The following CYFIP2 variants were observed in gnomAD, a reference collection of about 807,000 sequenced individuals.
CYFIP2 encodes the protein cytoplasmic FMR1 interacting protein 2, also known as cytoplasmic FMR1-interacting protein 2.
In CYFIP2, 29 loss-of-function variants were observed where a neutral mutation model predicts 158.7. The ratio of observed to expected loss-of-function variants is 0.18; its 90% CI spans 0.14 to 0.25. CYFIP2 has a LOEUF of 0.25. Ranked by LOEUF, CYFIP2 falls within the 10% of genes least tolerant of loss-of-function variation. The pLI is 1.00. For synonymous variants in CYFIP2, 585 were observed against 617.6 expected (o/e 0.95, Z 0.78); for missense variants, 852 against 1,639.5 (o/e 0.52, Z 8.29).
chr5:157,343,424 C>T lies in CYFIP2; in HGVS notation c.2673+2267C>T, dbSNP rs754767267. The T allele has an allele frequency of 3.7e-6, 6 of 1,614,172 alleles. No individual in the cohort carries two copies. In the Admixed American group the frequency reaches 6.7e-5, roughly 18 times the overall value. On this transcript the variant is annotated intron_variant, in intron 23 of 30. Transcript: ENST00000620254. ...GTAGCGAAGATAGCCAGAGAAGATG[C>T]TGTTCCAGTTGGGCCTGTACATAAT... is the stretch of plus-strand genomic sequence containing the variant.
At chr5:157,295,223 G>C (rs1235511114) in intron 4 of CYFIP2, among the ~76,000 whole-genome samples, 2 of 152,076 alleles carry the variant, frequency 1.3e-5, no homozygotes. Context: ...TACACTTTGT[G>C]ACATATTTGT....
intron 8 of CYFIP2, 167 bp downstream of exon 8, chr5:157,304,533 C>T (rs1307577690): frequency 2.9e-6 from 2 of 686,444 alleles, no homozygotes; most frequent in African/African-American, 1.8e-5. Flanking sequence ...ATATAATATA[C>T]CGTAGTCACC....
chr5:157,361,379 A>G lies in CYFIP2; in HGVS notation c.2909-89A>G. 1 of 1,561,682 alleles carries G rather than the reference A, an allele frequency of 6.4e-7. No homozygotes were observed. Among genetic ancestry groups the G allele is most frequent in the Admixed American group, 1.7e-5 (1 of 57,870 alleles). On this transcript the variant is annotated intron_variant, in intron 25 of 30. Coordinates refer to ENST00000620254, the MANE Select transcript of CYFIP2 (RefSeq NM_001037333.3). This position sits in a 1 kb window ranked among gnomAD's most constrained non-coding sequence, Gnocchi z 4.4. ...TTTGGCTTTTTGCTATCCCAGAGTCAGGTCTGGGGCTGCCACTCAGTCATT... is the reference window on the plus strand; with the variant it reads ...TTTGGCTTTTTGCTATCCCAGAGTCGGGTCTGGGGCTGCCACTCAGTCATT...
chr5:157,312,452 AT>A (rs1187287875), intron 11 of CYFIP2, among the ~76,000 whole-genome samples: 1 of 152,130 alleles, frequency 6.6e-6, no homozygotes, highest in Non-Finnish European at 1.5e-5. Flanking sequence ...GTATTTGGAT[AT>A]ATATATATCC....
chr5:157,299,592 C>A (rs1352092106), intron 5 of CYFIP2, among the ~76,000 whole-genome samples: 1 of 152,154 alleles, frequency 6.6e-6, no homozygotes, highest in East Asian at 1.9e-4. Flanking sequence ...TGTTTTCTGT[C>A]TTCTCTCACT....
At position 157,343,250 on chromosome 5, in the gene CYFIP2, T is replaced by C. The variant is rs373670726; in HGVS notation, c.2673+2093T>C. Reference sequence around the variant, plus strand: ...GCTTCCAGGAGCCAGCGGACTCTTATCCAGGGTGTGGAACATGGTGCAGTA... The same window carrying C: ...GCTTCCAGGAGCCAGCGGACTCTTACCCAGGGTGTGGAACATGGTGCAGTA... On this transcript the variant is annotated intron_variant, in intron 23 of 30. Transcript: ENST00000620254. 3.2e-5 allele frequency: 51 copies of C among 1,614,184 alleles called. No homozygotes were observed. The highest frequency in any genetic ancestry group is 1.8e-4 in the East Asian group (8 of 44,866).
chr5:157,341,255 A>C (rs1581099320), intron 23 of CYFIP2, 98 bp downstream of exon 23: 1 of 1,199,898 alleles, frequency 8.3e-7, no homozygotes, highest in East Asian at 2.4e-5. Flanking sequence ...GTGCAGAGAT[A>C]AAGGCAGCAA....
chr5:157,354,387 T>C (rs1250020465), intron 23 of CYFIP2, among the ~76,000 whole-genome samples: 1 of 152,096 alleles, frequency 6.6e-6, no homozygotes, highest in Non-Finnish European at 1.5e-5. Context: ...TCATGTTGCA[T>C]TCTTGTTTTT....
chr5:157,284,418 A>G (rs1757220193), intron 1 of CYFIP2, among the ~76,000 whole-genome samples: 1 of 152,146 alleles, frequency 6.6e-6, no homozygotes, highest in African/African-American at 2.4e-5. Flanking sequence ...TTGATTTCTA[A>G]TTTCCTTGAA....
chr5:157,354,633 T>C (rs1342687729), intron 23 of CYFIP2, among the ~76,000 whole-genome samples: 1 of 152,126 alleles, frequency 6.6e-6, no homozygotes, highest in African/African-American at 2.4e-5. Flanking sequence ...CCTCATTTCA[T>C]GCTGGTCCTT....
In CYFIP2 at chr5:157,304,709, A is replaced by C. The variant is rs1759070784; in HGVS notation, c.795+343A>C. On this transcript the variant is annotated intron_variant, in intron 8 of 30. Coordinates refer to ENST00000620254, the MANE Select transcript of CYFIP2 (RefSeq NM_001037333.3). ...CAGTTTTTGTGCACATCTTTTTGTC[A>C]AGGCAAACTTCCTAGAAGAGAAATT... is the stretch of plus-strand genomic sequence containing the variant. The C allele has an allele frequency of 2.2e-5, 4 of 181,378 alleles. No individual in the cohort carries two copies. In the Admixed American group the frequency reaches 2.5e-4, roughly 11 times the overall value. 11.2% of individuals were successfully genotyped at this position (181,378 alleles called of 1,614,324 possible). A position where few individuals can be genotyped will look rare whatever the true frequency, so the allele number is the denominator to read the frequency against.
Position 157,393,178 on chromosome 5 carries a change from C to A in CYFIP2, c.*178C>A. ...GCCTGTGCATGCTCTCCCATGACAT[C>A]TCCATGCTGGTTTCTCCATAGCATA... On this transcript the variant is annotated 3_prime_UTR_variant, in exon 31 of 31. Coordinates refer to ENST00000620254, the MANE Select transcript of CYFIP2 (RefSeq NM_001037333.3). 2.0e-6 allele frequency: 1 copy of A among 488,258 alleles called. No homozygotes were observed. The highest frequency in any genetic ancestry group is 3.5e-6 in the Non-Finnish European group (1 of 285,806). The allele number at this position is 488,258 out of a possible 1,614,324, so 30.2% of individuals were successfully genotyped here. A position where few individuals can be genotyped will look rare whatever the true frequency, so the allele number is the denominator to read the frequency against.
chr5:157,270,770 G>A (rs1285075486), intron 1 of CYFIP2, among the ~76,000 whole-genome samples: 1 of 152,166 alleles, frequency 6.6e-6, no homozygotes, highest in Admixed American at 6.5e-5. Context: ...TTGGATATGG[G>A]ACCTTAGAGA....
chr5:157,343,283 T>A (rs202138440), intron 23 of CYFIP2: 1 of 1,613,942 alleles, frequency 6.2e-7, no homozygotes, highest in Non-Finnish European at 8.5e-7. Context: ...GTAGTGCCTG[T>A]AAGGGAAGGC....
chr5:157,376,382 C>G (rs1173754828), intron 26 of CYFIP2: 4 of 152,374 alleles, frequency 2.6e-5, no homozygotes, highest in African/African-American at 9.7e-5. Context: ...AGAGCTCTAC[C>G]TGTTGTAGTG....
intron 30 of CYFIP2, among the ~76,000 whole-genome samples, chr5:157,391,735 A>C (rs1265319110): frequency 1.3e-5 from 2 of 152,212 alleles, no homozygotes; most frequent in Non-Finnish European, 2.9e-5. Context: ...ACCATGAAAC[A>C]TGGGTGTACA....
At chr5:157,384,601 C>T (rs988406025) in intron 28 of CYFIP2, 17 of 430,462 alleles carry the variant, frequency 3.9e-5, no homozygotes, top group East Asian at 2.2e-4. Flanking sequence ...CACCCCAGCC[C>T]GGCCCCCGCA....
chr5:157,283,957 G>C (rs1205231047), intron 1 of CYFIP2, among the ~76,000 whole-genome samples: 1 of 152,156 alleles, frequency 6.6e-6, no homozygotes, highest in Admixed American at 6.5e-5. Context: ...ACAACTCCCT[G>C]GGATCGAAGG....
intron 1 of CYFIP2, among the ~76,000 whole-genome samples, chr5:157,270,411 C>A (rs1364600933): frequency 6.6e-6 from 1 of 152,156 alleles, no homozygotes; most frequent in Non-Finnish European, 1.5e-5. Flanking sequence ...AAGAAATAAA[C>A]TGGGGAAGAA....
Sources: gnomAD v4.1 joint callset for allele counts (sites outside exome capture counted in the v4.1 genomes callset) on GRCh38, gnomAD v4.1.1 for gene constraint, Gnocchi (gnomAD v3.1) non-coding constraint, MANE v1.5 for transcripts, NCBI Gene and HGNC (gene_info 2026-07-23, HGNC 2026-07-21) for gene names.